GABRA2: variants seen among roughly 807,000 people sequenced by gnomAD.
GABRA2 encodes the protein gamma-aminobutyric acid receptor subunit alpha-2.
A neutral mutation model predicts 48.7 loss-of-function variants in GABRA2; 16 were observed. The ratio of observed to expected loss-of-function variants is 0.33; its 90% confidence interval spans 0.22 to 0.50. The LOEUF (loss-of-function observed/expected upper bound fraction) is 0.50, where lower values mean the gene tolerates loss of function less well. Ranked by LOEUF, GABRA2 falls within the 20% of genes least tolerant of loss-of-function variation. The pLI is 0.98. For synonymous variants in GABRA2, 185 were observed against 184.5 expected (o/e 1.00, Z -0.02); for missense variants, 275 against 535.6 (o/e 0.51, Z 4.80).
At position 46,389,807 on chromosome 4, in the gene GABRA2, GAGA is replaced by G. The variant is rs1717992525; in HGVS notation, c.-86_-84del. The G allele has an allele frequency of 6.6e-6, 2 of 304,340 alleles. No homozygotes were observed. The highest frequency in any genetic ancestry group is 1.9e-4 in the African/African-American group (2 of 10,326). The allele number at this position is 304,340 out of a possible 1,614,324, so 18.9% of individuals were successfully genotyped here. On this transcript the variant is annotated 5_prime_UTR_variant, in exon 1 of 10. Coordinates refer to ENST00000381620, the MANE Select transcript of GABRA2 (RefSeq NM_000807.4). The stretch of plus-strand genomic sequence containing the variant: ...TTGACGAGATAGGAAACTTGGGAGA[GAGA>G]GAGAGAGAGAGAGAGAGAGAGAGAG...
chr4:46,358,394 G>A (rs1174940039), intron 3 of GABRA2, among the ~76,000 whole-genome samples: 1 of 152,082 alleles, frequency 6.6e-6, no homozygotes, highest in Non-Finnish European at 1.5e-5. Context: ...AAAGCAAAGG[G>A]CTTTCATTTT....
At chr4:46,366,747 A>T (rs1714104386) in intron 3 of GABRA2, 1 of 152,138 alleles carries the variant, frequency 6.6e-6, no homozygotes, top group African/African-American at 2.4e-5. Flanking sequence ...CCATTATCTT[A>T]TAACTTTTCA....
chr4:46,340,353 C>G (rs1286366674), intron 3 of GABRA2, among the ~76,000 whole-genome samples: 2 of 151,904 alleles, frequency 1.3e-5, no homozygotes, highest in Admixed American at 1.3e-4. Context: ...CAAAGAAATC[C>G]CACATCCATT....
In GABRA2 at chr4:46,386,078, C is replaced by T. The variant is rs756325973; in HGVS notation, c.183G>A (p.Leu61=). 2.5e-6 allele frequency: 4 copies of T among 1,591,270 alleles called. No homozygotes were observed. In the Admixed American group the frequency reaches 6.7e-5, roughly 27 times the overall value. The change falls in exon 3 of 10, where the codon CTG becomes CTA. Residue 61 remains leucine, a synonymous_variant. Coordinates refer to ENST00000381620, the MANE Select transcript of GABRA2 (RefSeq NM_000807.4). ...DGYDNRLRPG[L]GDSITEVFTN... Reference sequence around the variant, plus strand: ...AAAGAGGAAAACTATTTTTACCTCCCAGTCCTGGTCTAAGCCGATTATCGT... The same window carrying T: ...AAAGAGGAAAACTATTTTTACCTCCTAGTCCTGGTCTAAGCCGATTATCGT...
chr4:46,259,290 G>T (rs1269844874), intron 9 of GABRA2, among the ~76,000 whole-genome samples: 1 of 151,750 alleles, frequency 6.6e-6, no homozygotes, highest in African/African-American at 2.4e-5. Context: ...TATTAGGAAA[G>T]GCATAACAAT....
intron 8 of GABRA2, among the ~76,000 whole-genome samples, chr4:46,300,577 A>T (rs1182399787): frequency 1.3e-5 from 2 of 152,008 alleles, no homozygotes; most frequent in African/African-American, 4.8e-5. Flanking sequence ...TGTTCCAGAT[A>T]CTTATTTCTA....
At chr4:46,311,491 T>G (rs1192147978) in intron 5 of GABRA2, among the ~76,000 whole-genome samples, 2 of 152,202 alleles carry the variant, frequency 1.3e-5, no homozygotes, top group African/African-American at 2.4e-5. Flanking sequence ...CACATAATCT[T>G]ACTAGATTTG....
At chr4:46,289,914 T>TTTATTTATTTATTTATTTATTTTTAA (rs1560482729) in intron 8 of GABRA2, among the ~76,000 whole-genome samples, 1 of 135,966 alleles carries the variant, frequency 7.4e-6, no homozygotes, top group African/African-American at 2.8e-5. Flanking sequence ...TTTATTTTTA[T>TTTATTTATTTATTTATTTATTTTTAA]TTTTTTTTTT....
chr4:46,328,284 G>C (rs968752963), intron 4 of GABRA2, among the ~76,000 whole-genome samples: 2 of 121,432 alleles, frequency 1.6e-5, no homozygotes, highest in Admixed American at 1.7e-4. Flanking sequence ...GTGTGTGTGT[G>C]TGTGTGTGTG....
intron 9 of GABRA2, 78 bp downstream of exon 9, chr4:46,261,848 T>A: frequency 1.9e-6 from 2 of 1,032,660 alleles, no homozygotes; most frequent in Non-Finnish European, 3.0e-6. Context: ...TAATGTCAGT[T>A]TTTAGAAACA....
chr4:46,318,887 A>G (rs1445938256), intron 4 of GABRA2, among the ~76,000 whole-genome samples: 1 of 151,708 alleles, frequency 6.6e-6, no homozygotes, highest in East Asian at 1.9e-4. Context: ...TGAAAAATCC[A>G]TACACTCCAA....
At chr4:46,266,288 CAAAT>C (rs1039599957) in intron 8 of GABRA2, among the ~76,000 whole-genome samples, 5 of 144,270 alleles carry the variant, frequency 3.5e-5, no homozygotes, top group African/African-American at 1.3e-4. Context: ...AGATAGTAAA[CAAAT>C]TATTATATTT....
Position 46,250,618 on chromosome 4 carries a change from C to T in GABRA2, c.1060-14G>A, listed in dbSNP as rs1258572299. ...CTTTTCTTTTTTCTATTGAAAAATA[C>T]AAAAATTAACAGAGTGTGGGTTGAG... is the stretch of plus-strand genomic sequence containing the variant. On this transcript the variant is annotated splice_polypyrimidine_tract_variant and intron_variant, in intron 9 of 9. Transcript: ENST00000381620. 2.6e-6 allele frequency: 4 copies of T among 1,568,392 alleles called. No homozygotes were observed. Among genetic ancestry groups the T allele is most frequent in the East Asian group, 2.3e-5 (1 of 44,334 alleles).
In GABRA2 at chr4:46,248,990, T is replaced by C. The variant is rs1269681121; in HGVS notation, c.*1318A>G. On this transcript the variant is annotated 3_prime_UTR_variant, in exon 10 of 10. Coordinates refer to ENST00000381620, the MANE Select transcript of GABRA2 (RefSeq NM_000807.4). ...ATGAATTTTACCCATTAATAACTAG[T>C]AATTATATAAAATTTAAAATTGTGT... 1 of 149,404 alleles carries C rather than the reference T, an allele frequency of 6.7e-6. No homozygotes were observed. The highest frequency in any genetic ancestry group is 6.7e-5 in the Admixed American group (1 of 14,868). The allele number at this position is 149,404 out of a possible 1,614,324, so 9.3% of individuals were successfully genotyped here.
intron 9 of GABRA2, among the ~76,000 whole-genome samples, chr4:46,255,000 C>A (rs1005138449): frequency 6.6e-6 from 1 of 151,568 alleles, no homozygotes; most frequent in Non-Finnish European, 1.5e-5. Flanking sequence ...TGAGTCACAT[C>A]GACCAAGACA....
At chr4:46,339,557 T>A (rs561983479) in intron 3 of GABRA2, among the ~76,000 whole-genome samples, 2 of 151,892 alleles carry the variant, frequency 1.3e-5, no homozygotes, top group Non-Finnish European at 2.9e-5. Context: ...AAGCTTATTA[T>A]AGCCTAACAA....
intron 3 of GABRA2, among the ~76,000 whole-genome samples, chr4:46,382,193 C>CACATATATATAT (rs34058486): frequency 6.7e-6 from 1 of 148,356 alleles, no homozygotes; most frequent in African/African-American, 2.5e-5. Context: ...CACACACACA[C>CACATATATATAT]ATATATATAT....
At chr4:46,382,294 T>C (rs941421580) in intron 3 of GABRA2, among the ~76,000 whole-genome samples, 1 of 151,882 alleles carries the variant, frequency 6.6e-6, no homozygotes, top group African/African-American at 2.4e-5. Flanking sequence ...GGAGTTTCAT[T>C]AAGTTGGTCA....
intron 3 of GABRA2, among the ~76,000 whole-genome samples, chr4:46,382,818 C>G (rs1226381791): frequency 6.6e-6 from 1 of 152,086 alleles, no homozygotes; most frequent in East Asian, 1.9e-4. Flanking sequence ...TTTTCTAACT[C>G]ATAGTTCAAA....
Sources: allele counts gnomAD v4.1 joint callset (sites outside exome capture counted in the v4.1 genomes callset), GRCh38; gene constraint gnomAD v4.1.1; transcripts MANE v1.5; gene names NCBI Gene and HGNC (gene_info 2026-07-23, HGNC 2026-07-21).